RAB26: variants seen among roughly 807,000 people sequenced by gnomAD.
RAB26 encodes RAB26, member RAS oncogene family, also known as ras-related protein Rab-26.
In RAB26, 39 loss-of-function variants were observed where a neutral mutation model predicts 33.1. That is an observed-to-expected ratio of 1.18 (90% CI 0.91 to 1.54). The LOEUF is 1.54. Among genes scored for constraint, RAB26 ranks in the 40% most tolerant of loss-of-function variants. The probability of loss-of-function intolerance (pLI) is 0.00; values close to 1 mark genes in which losing one functional copy is unlikely to be tolerated. For synonymous variants in RAB26, 192 were observed against 151.9 expected (o/e 1.26, Z -1.94); for missense variants, 468 against 362.9 (o/e 1.29, Z -2.35).
Position 2,153,318 on chromosome 16 carries a change from G to C in RAB26, c.669-1G>C. On this transcript the variant is annotated splice_acceptor_variant, in intron 8 of 8. Coordinates refer to ENST00000210187, the MANE Select transcript of RAB26 (RefSeq NM_014353.5). LOFTEE classifies it high-confidence loss of function. ...GTCCCCTTGTCACCCCCACTCCGCAGGGAGTTGAAGCAGCGCTCCATGAAG... is the reference window on the plus strand; with the variant it reads ...GTCCCCTTGTCACCCCCACTCCGCACGGAGTTGAAGCAGCGCTCCATGAAG... The C allele has an allele frequency of 1.2e-6, 2 of 1,613,538 alleles. No individual in the cohort carries two copies. The highest frequency in any genetic ancestry group is 2.2e-5 in the East Asian group (1 of 44,874).
chr16:2,151,213 C>A (rs1183120707), intron 2 of RAB26: 1 of 497,820 alleles, frequency 2.0e-6, no homozygotes, highest in African/African-American at 1.9e-5. Flanking sequence ...TCAAGCCATC[C>A]TGAGTCTTTC....
rs1021058530 is a variant in RAB26, at chr16:2,152,023, G to A, written c.468+115G>A. 35 of 1,399,034 alleles carry A rather than the reference G, an allele frequency of 2.5e-5. 1 individual carries two copies. The Middle Eastern group carries it at 1.2e-3, about 46-fold the overall frequency. The allele number at this position is 1,399,034 out of a possible 1,614,324, so 86.7% of individuals were successfully genotyped here. A position where few individuals can be genotyped will look rare whatever the true frequency, so the allele number is the denominator to read the frequency against. ...GGACCCCGCTGAGAGAGGGGAGGGGGAAATGACAGCCTTCTGGGCTGGAGG... is the reference window on the plus strand; with the variant it reads ...GGACCCCGCTGAGAGAGGGGAGGGGAAAATGACAGCCTTCTGGGCTGGAGG... On this transcript the variant is annotated intron_variant, in intron 5 of 8. Coordinates refer to ENST00000210187, the MANE Select transcript of RAB26 (RefSeq NM_014353.5).
At chr16:2,149,536 G>C (rs2092997692) in intron 1 of RAB26, among the ~76,000 whole-genome samples, 1 of 151,852 alleles carries the variant, frequency 6.6e-6, no homozygotes, top group African/African-American at 2.4e-5. Flanking sequence ...TGATCCTAAT[G>C]GGGCAAATTC....
rs759574582 is a variant in RAB26, at chr16:2,151,690, T to C, written c.349-5T>C. 1.9e-6 allele frequency: 3 copies of C among 1,613,856 alleles called. No homozygotes were observed. The highest frequency in any genetic ancestry group is 1.3e-5 in the African/African-American group (1 of 74,940). ...GGACAGCCTGACCAGTGCCTGTCGC[T>C]GCAGATGTGGGACACAGCTGGTCAG... On this transcript the variant is annotated splice_polypyrimidine_tract_variant and splice_region_variant and intron_variant, in intron 3 of 8. Transcript: ENST00000210187.
At chr16:2,151,009 C>A (rs1036551882) in intron 2 of RAB26, 4 of 328,832 alleles carry the variant, frequency 1.2e-5, no homozygotes, top group Non-Finnish European at 6.0e-6. Context: ...CTGGGAGGGC[C>A]CGGCTGGGGA....
rs2093012315 is a variant in RAB26, at chr16:2,153,205, C to T, written c.651C>T (p.Ala217=). Residue 217 remains alanine (A), a synonymous_variant, in exon 8 of 9, where the codon GCC becomes GCT. Transcript: ENST00000210187. The part of the protein sequence containing the change: ...SAKTGLNVDL[A]FTAIAKELKQ... The stretch of plus-strand genomic sequence containing the variant: ...AGACGGGCCTCAACGTGGACTTGGC[C>T]TTCACAGCCATAGCAAAGTAAGTCC... The T allele has an allele frequency of 1.2e-6, 2 of 1,613,682 alleles. No homozygotes were observed. Among genetic ancestry groups the T allele is most frequent in the Admixed American group, 1.7e-5 (1 of 60,010 alleles).
intron 2 of RAB26, among the ~76,000 whole-genome samples, chr16:2,150,447 C>T (rs2093001123): frequency 6.6e-6 from 1 of 152,182 alleles, no homozygotes; most frequent in Non-Finnish European, 1.5e-5. Context: ...GAGGACCCTG[C>T]TCTTGGGTGA....
intron 1 of RAB26, among the ~76,000 whole-genome samples, chr16:2,149,508 C>T (rs1399182757): frequency 6.6e-6 from 1 of 151,982 alleles, no homozygotes; most frequent in Non-Finnish European, 1.5e-5. Flanking sequence ...GGCCCAGGTC[C>T]CTCTTCAGAT....
intron 2 of RAB26, 117 bp downstream of exon 2, chr16:2,150,168 G>C: frequency 1.1e-6 from 1 of 906,642 alleles, no homozygotes; most frequent in Non-Finnish European, 1.6e-6. Context: ...GAAGCTGCCT[G>C]CCTCGACCTT....
chr16:2,150,991 A>C (rs2141251588), intron 2 of RAB26: 1 of 330,012 alleles, frequency 3.0e-6, no homozygotes, highest in Non-Finnish European at 6.0e-6. Flanking sequence ...CTTACGTCTA[A>C]TCGTTAACTG....
Position 2,153,488 on chromosome 16 carries a change from A to G in RAB26, c.*67A>G. The G allele has an allele frequency of 6.8e-7, 1 of 1,480,964 alleles. No homozygotes were observed. The highest frequency in any genetic ancestry group is 1.2e-5 in the South Asian group (1 of 86,076). The allele number at this position is 1,480,964 out of a possible 1,614,324, so 91.7% of individuals were successfully genotyped here. A position where few individuals can be genotyped will look rare whatever the true frequency, so the allele number is the denominator to read the frequency against. On this transcript the variant is annotated 3_prime_UTR_variant, in exon 9 of 9. Coordinates refer to ENST00000210187, the MANE Select transcript of RAB26 (RefSeq NM_014353.5). ...CTAGAAGGCTGGACAGAGGGTCTCC[A>G]GGCCCTTCTGACTTTGTTGCCCAGT...
At chr16:2,150,678 C>G (rs1049245527) in intron 2 of RAB26, among the ~76,000 whole-genome samples, 4 of 148,232 alleles carry the variant, frequency 2.7e-5, no homozygotes, top group African/African-American at 9.8e-5. Flanking sequence ...ACTGAAGTGC[C>G]CGAGGGGGGC....
chr16:2,154,042 C>G lies in RAB26; in HGVS notation c.*621C>G, dbSNP rs997159505. The G allele has an allele frequency of 5.7e-6, 2 of 349,198 alleles. No individual in the cohort carries two copies. Among genetic ancestry groups the G allele is most frequent in the Admixed American group, 7.8e-5 (2 of 25,608 alleles). 21.6% of individuals were successfully genotyped at this position (349,198 alleles called of 1,614,324 possible). A position where few individuals can be genotyped will look rare whatever the true frequency, so the allele number is the denominator to read the frequency against. On this transcript the variant is annotated 3_prime_UTR_variant, in exon 9 of 9. Transcript: ENST00000210187. The stretch of plus-strand genomic sequence containing the variant: ...AGCCCGGCCTGGCCACAGGTGAGGT[C>G]TGTGATTTCCGAGCACGCTCCACCT...
Position 2,148,652 on chromosome 16 carries a change from C to T in RAB26, c.-132C>T, listed in dbSNP as rs1375977151. On this transcript the variant is annotated 5_prime_UTR_variant, in exon 1 of 9. Coordinates refer to ENST00000210187, the MANE Select transcript of RAB26 (RefSeq NM_014353.5). ...GCGAGCCGGGCGCCCGGGATGATGC[C>T]GCCGCCGCCGCCGCCGCCGCCGCCG... The T allele has an allele frequency of 4.7e-6, 3 of 640,388 alleles. No individual in the cohort carries two copies. Among genetic ancestry groups the T allele is most frequent in the African/African-American group, 2.5e-5 (1 of 40,206 alleles). 39.7% of individuals were successfully genotyped at this position (640,388 alleles called of 1,614,324 possible).
In RAB26 at chr16:2,148,656, G is replaced by GCCA. The variant is rs1596655461; in HGVS notation, c.-126_-125insACC. 1.3e-6 allele frequency: 1 copy of GCCA among 787,322 alleles called. No homozygotes were observed. Among genetic ancestry groups the GCCA allele is most frequent in the Non-Finnish European group, 1.6e-6 (1 of 632,090 alleles). 48.8% of individuals were successfully genotyped at this position (787,322 alleles called of 1,614,324 possible). A position where few individuals can be genotyped will look rare whatever the true frequency, so the allele number is the denominator to read the frequency against. ...GCCGGGCGCCCGGGATGATGCCGCC[G>GCCA]CCGCCGCCGCCGCCGCCGCCGCCGC... On this transcript the variant is annotated 5_prime_UTR_variant, in exon 1 of 9. Transcript: ENST00000210187.
At position 2,151,871 on chromosome 16, in the gene RAB26, A is replaced by T; in HGVS notation, c.431A>T (p.Tyr144Phe). Reference sequence around the variant, plus strand: ...CTGTCCCCAGCTCTGCTGCTGCTCTACGATGTCACCAACAAGGCCTCCTTT... The same window carrying T: ...CTGTCCCCAGCTCTGCTGCTGCTCTTCGATGTCACCAACAAGGCCTCCTTT... ...YRDAHALLLL[Y>F]DVTNKASFDN... Residue 144 changes from tyrosine to phenylalanine, a missense_variant, in exon 5 of 9, where the codon TAC (tyrosine) becomes TTC (phenylalanine). Tyr to Phe is a conservative substitution (Grantham distance 22). Transcript: ENST00000210187. 6.2e-7 allele frequency: 1 copy of T among 1,614,112 alleles called. No individual in the cohort carries two copies. Among genetic ancestry groups the T allele is most frequent in the South Asian group, 1.1e-5 (1 of 91,080 alleles).
At chr16:2,150,357 G>C (rs2093000804) in intron 2 of RAB26, among the ~76,000 whole-genome samples, 1 of 152,178 alleles carries the variant, frequency 6.6e-6, no homozygotes, top group African/African-American at 2.4e-5. Flanking sequence ...TGCTGCCTCG[G>C]TACAGAGGCC....
Position 2,148,653 on chromosome 16 carries a change from G to GCCT in RAB26, c.-129_-128insTCC. The GCCT allele has an allele frequency of 1.4e-6, 1 of 705,470 alleles. No homozygotes were observed. Among genetic ancestry groups the GCCT allele is most frequent in the Non-Finnish European group, 1.8e-6 (1 of 569,510 alleles). The allele number at this position is 705,470 out of a possible 1,614,324, so 43.7% of individuals were successfully genotyped here. On this transcript the variant is annotated 5_prime_UTR_variant, in exon 1 of 9. Coordinates refer to ENST00000210187, the MANE Select transcript of RAB26 (RefSeq NM_014353.5). ...CGAGCCGGGCGCCCGGGATGATGCCGCCGCCGCCGCCGCCGCCGCCGCCGC... is the reference window on the plus strand; with the variant it reads ...CGAGCCGGGCGCCCGGGATGATGCCGCCTCCGCCGCCGCCGCCGCCGCCGCCGC...
In RAB26 at chr16:2,153,458, A is replaced by AT; in HGVS notation, c.*37_*38insT. On this transcript the variant is annotated 3_prime_UTR_variant, in exon 9 of 9. Coordinates refer to ENST00000210187, the MANE Select transcript of RAB26 (RefSeq NM_014353.5). ...CTCAGTCCTCTGGAGGAAGCCGTCC[A>AT]GTCCCTAGAAGGCTGGACAGAGGGT... 3 of 1,586,896 alleles carry AT rather than the reference A, an allele frequency of 1.9e-6. No individual in the cohort carries two copies. In the East Asian group the frequency reaches 6.7e-5, roughly 36 times the overall value.
Sources: allele counts gnomAD v4.1 joint callset (sites outside exome capture counted in the v4.1 genomes callset), GRCh38; gene constraint gnomAD v4.1.1; transcripts MANE v1.5; gene names NCBI Gene and HGNC (gene_info 2026-07-23, HGNC 2026-07-21).